The following TEX11 variants were observed in gnomAD, a reference collection of about 807,000 sequenced individuals.
TEX11 encodes the protein testis-expressed protein 11.
TEX11 carries 7 observed loss-of-function variants against 84.4 expected under a neutral mutation model. The ratio of observed to expected loss-of-function variants is 0.08; its 90% CI spans 0.05 to 0.16. The LOEUF (loss-of-function observed/expected upper bound fraction) is 0.16. Ranked by LOEUF, TEX11 falls within the 10% of genes least tolerant of loss-of-function variation. The pLI is 1.00. For missense variants in TEX11, 551 were observed against 660.5 expected, an observed-to-expected ratio of 0.83 and a Z score of 1.82; for synonymous variants, 264 against 222.8, an observed-to-expected ratio of 1.18 and a Z score of -1.64.
intron 23 of TEX11, among the ~76,000 whole-genome samples, 189 bp downstream of exon 23, chrX:70,606,770 A>T (rs922806536): frequency 9.0e-6 from 1 of 111,702 alleles, no homozygotes; most frequent in Non-Finnish European, 1.9e-5. Flanking sequence ...GTATAGAAAG[A>T]TATGCCCCAC....
At chrX:70,635,047 C>T (rs1257681030) in intron 17 of TEX11, among the ~76,000 whole-genome samples, 5 of 112,177 alleles carry the variant, frequency 4.5e-5, no homozygotes, top group East Asian at 2.8e-4. Flanking sequence ...GACTTTCCAG[C>T]GCTCATTCCC....
intron 8 of TEX11, among the ~76,000 whole-genome samples, chrX:70,813,958 A>C (rs1674436169): frequency 8.9e-6 from 1 of 111,989 alleles, no homozygotes. Context: ...GAGGACACAA[A>C]CAAATGGAAG....
At chrX:70,581,211 G>T (rs1347747341) in intron 25 of TEX11, among the ~76,000 whole-genome samples, 4 of 107,139 alleles carry the variant, frequency 3.7e-5, no homozygotes, top group Non-Finnish European at 7.7e-5. Context: ...TTCCTATGTT[G>T]CCCAGGCTGG....
intron 3 of TEX11, among the ~76,000 whole-genome samples, chrX:70,878,568 A>G (rs1177001865): frequency 2.7e-5 from 3 of 109,791 alleles, no homozygotes; most frequent in Non-Finnish European, 5.7e-5. Context: ...ACATGTATAC[A>G]TATGTAACAA....
At chrX:70,567,234 T>C (rs1473910862) in intron 25 of TEX11, among the ~76,000 whole-genome samples, 4 of 111,164 alleles carry the variant, frequency 3.6e-5, no homozygotes, top group African/African-American at 1.3e-4. Flanking sequence ...TGTATTTCTG[T>C]GGGATCGGTG....
At chrX:70,724,200 G>T (rs900205246) in intron 12 of TEX11, 1 of 751,433 alleles carries the variant, frequency 1.3e-6, no homozygotes, top group Non-Finnish European at 1.6e-6. Context: ...ATTTTAGTTG[G>T]TTAGTTGGTT....
At position 70,881,005 on chromosome X, in the gene TEX11, CAAAAAAAAAA is replaced by C. The variant is rs11284342; in HGVS notation, c.38-906_38-897del. Among the ~76,000 whole-genome samples, 353 of 46,198 alleles carry C rather than the reference CAAAAAAAAAA, an allele frequency of 7.6e-3. 14 individuals carry two copies. In the East Asian group the frequency reaches 0.2, roughly 27 times the overall value. The allele number at this position is 46,198 out of a possible 115,157, so 40.1% of individuals were successfully genotyped here. ...CTGGGCAACATAGCAAGACATCATC[CAAAAAAAAAA>C]AAAAAAAAAAAAAAACTAAAACTAA... On this transcript the variant is annotated intron_variant, in intron 2 of 29. Coordinates refer to ENST00000374333, the MANE Select transcript of TEX11 (RefSeq NM_031276.3).
In TEX11 at chrX:70,853,376, C is replaced by T. The variant is rs181582479; in HGVS notation, c.325-48G>A. On this transcript the variant is annotated intron_variant, in intron 5 of 29. Coordinates refer to ENST00000374333, the MANE Select transcript of TEX11 (RefSeq NM_031276.3). ...TAATTTTTAAAAATTCATACCTCCC[C>T]CAAATTGGTGGGGGAATATTGGAGA... 1,484 of 901,584 alleles carry T rather than the reference C, an allele frequency of 1.6e-3. 8 individuals carry two copies. The highest frequency in any genetic ancestry group is 9.7e-3 in the African/African-American group (480 of 49,600). The allele number at this position is 901,584 out of a possible 1,213,427, so 74.3% of individuals were successfully genotyped here. A position where few individuals can be genotyped will look rare whatever the true frequency, so the allele number is the denominator to read the frequency against.
chrX:70,578,856 T>C (rs1227852446), intron 25 of TEX11, among the ~76,000 whole-genome samples: 1 of 101,333 alleles, frequency 9.9e-6, no homozygotes, highest in African/African-American at 3.7e-5. Flanking sequence ...CTGCAACCTC[T>C]GCCTCCCGGG....
chrX:70,896,207 A>C (rs1162981010), intron 2 of TEX11, among the ~76,000 whole-genome samples: 1 of 112,463 alleles, frequency 8.9e-6, no homozygotes, highest in Non-Finnish European at 1.9e-5. Flanking sequence ...AAGTGGGCAA[A>C]GGATATAAAC....
chrX:70,647,732 C>T (rs900217584), intron 17 of TEX11, among the ~76,000 whole-genome samples: 2 of 110,491 alleles, frequency 1.8e-5, no homozygotes, highest in African/African-American at 6.6e-5. Context: ...TTTAGCCATT[C>T]CACAATGTAT....
chrX:70,734,792 G>A (rs191052440), intron 11 of TEX11, among the ~76,000 whole-genome samples: 1 of 111,086 alleles, frequency 9.0e-6, no homozygotes, highest in Non-Finnish European at 1.9e-5. Context: ...GTTTTTTAAC[G>A]TGGTTGTACA....
intron 9 of TEX11, among the ~76,000 whole-genome samples, chrX:70,796,745 G>T (rs1357375822): frequency 8.9e-6 from 1 of 111,909 alleles, no homozygotes; most frequent in Non-Finnish European, 1.9e-5. Context: ...AATCTTTAAG[G>T]AATTTAAATA....
chrX:70,780,216 G>A (rs1569438765), intron 9 of TEX11, among the ~76,000 whole-genome samples: 1 of 112,080 alleles, frequency 8.9e-6, no homozygotes, highest in South Asian at 3.7e-4. Flanking sequence ...AAAGGTTGCA[G>A]TAAGCCAAGA....
chrX:70,675,986 A>C (rs1469048996), intron 15 of TEX11, among the ~76,000 whole-genome samples: 1 of 111,946 alleles, frequency 8.9e-6, no homozygotes, highest in Non-Finnish European at 1.9e-5. Context: ...TGTAAGTGGA[A>C]CCACACAGTA....
intron 13 of TEX11, among the ~76,000 whole-genome samples, chrX:70,705,262 T>C (rs868478627): frequency 2.4e-4 from 27 of 111,821 alleles, no homozygotes; most frequent in African/African-American, 8.1e-4. Context: ...TGGCTTAGGA[T>C]TGTCTTGGCA....
rs112641333 is a variant in TEX11 at position 70,577,804 on chromosome X, C to T, written c.2140+13947G>A. 5.9e-3 allele frequency among the ~76,000 whole-genome samples: 537 copies of T among 90,366 alleles called. 67 individuals are homozygous for T. Among genetic ancestry groups the T allele is most frequent in the Non-Finnish European group, 9.3e-3 (379 of 40,706 alleles). 78.5% of individuals were successfully genotyped at this position (90,366 alleles called of 115,157 possible). ...GTGCAGTGGCAGGATCTCTGCTCAC[C>T]GCAACCTCCGCCTCCTGGGTTCAAG... On this transcript the variant is annotated intron_variant, in intron 25 of 29. Coordinates refer to ENST00000374333, the MANE Select transcript of TEX11 (RefSeq NM_031276.3).
At chrX:70,887,281 G>A (rs974641538) in intron 2 of TEX11, among the ~76,000 whole-genome samples, 21 of 111,909 alleles carry the variant, frequency 1.9e-4, no homozygotes. Context: ...TGGGGTCCAG[G>A]ATTCCAGTCC....
At chrX:70,619,809 C>T (rs912921729) in intron 20 of TEX11, among the ~76,000 whole-genome samples, 2 of 109,069 alleles carry the variant, frequency 1.8e-5, no homozygotes, top group African/African-American at 6.7e-5. Flanking sequence ...CAGTAATGTG[C>T]CAGTATCTTT....
Sources: allele counts gnomAD v4.1 joint callset (sites outside exome capture counted in the v4.1 genomes callset), GRCh38; gene constraint gnomAD v4.1.1; transcripts MANE v1.5; gene names NCBI Gene and HGNC (gene_info 2026-07-23, HGNC 2026-07-21).